VAMP2: variants seen among roughly 807,000 people sequenced by gnomAD.
The protein encoded by VAMP2 is vesicle-associated membrane protein 2.
For synonymous variants in VAMP2, 67 were observed against 57.3 expected, an observed-to-expected ratio of 1.17 and a Z score of -0.76; for missense variants, 95 against 151.3, an observed-to-expected ratio of 0.63 and a Z score of 1.95.
In VAMP2 at chr17:8,160,825, T is replaced by C. The variant is rs781173301; in HGVS notation, c.*30A>G. On this transcript the variant is annotated 3_prime_UTR_variant, in exon 5 of 5. Coordinates refer to ENST00000316509, the MANE Select transcript of VAMP2 (RefSeq NM_014232.3). The stretch of plus-strand genomic sequence containing the variant: ...CGGCTGAGGGTTGGGGGAGAGGCCC[T>C]TCTCTAGGCAGGGCAGACTCCTCGG... 8.7e-6 allele frequency: 14 copies of C among 1,604,344 alleles called. No homozygotes were observed. The highest frequency in any genetic ancestry group is 1.2e-5 in the Non-Finnish European group (14 of 1,174,298).
rs1228262207 is a variant in VAMP2 at position 8,159,232 on chromosome 17, G to C, written c.*1623C>G. The C allele has an allele frequency of 6.6e-6, 1 of 151,362 alleles. No individual in the cohort carries two copies. Among genetic ancestry groups the C allele is most frequent in the Non-Finnish European group, 1.5e-5 (1 of 67,862 alleles). The allele number at this position is 151,362 out of a possible 1,614,324, so 9.4% of individuals were successfully genotyped here. ...GGGGCATGGGGTGGGGGAAGAGGGG[G>C]GCAGGGGACACTGGGATAATATGGG... On this transcript the variant is annotated 3_prime_UTR_variant, in exon 5 of 5. Coordinates refer to ENST00000316509, the MANE Select transcript of VAMP2 (RefSeq NM_014232.3).
At chr17:8,161,280 A>G in intron 4 of VAMP2, 193 bp downstream of exon 4, 1 of 788,084 alleles carries the variant, frequency 1.3e-6, no homozygotes, top group Non-Finnish European at 2.0e-6. Context: ...TGTTAACAAG[A>G]CTGCCAAGAA....
At chr17:8,162,827 G>A (rs1983359884) in intron 1 of VAMP2, 51 bp downstream of exon 1, 2 of 1,214,416 alleles carry the variant, frequency 1.6e-6, no homozygotes, top group African/African-American at 3.1e-5. Context: ...GTTGCCAAGG[G>A]CGGCGGCCGG....
chr17:8,160,911 GGAGAGAAAGA>G (rs757233717), intron 4 of VAMP2, 40 bp from the exon 5 acceptor site: 1 of 1,543,332 alleles, frequency 6.5e-7, no homozygotes, highest in Non-Finnish European at 8.9e-7. Context: ...GAGGGAGAGG[GGAGAGAAAGA>G]GAGAGAACAA....
chr17:8,161,515 T>C lies in VAMP2; in HGVS notation c.292A>G (p.Ile98Val). ...YWWKNLKMMI[I>V]LGVICAIILI... is the part of the protein sequence containing the mutation. ...ATGATGGCGCAAATCACTCCCAAGATGATCATCATCTGGGGGTGAGAGGCG... is the reference window on the plus strand; with the variant it reads ...ATGATGGCGCAAATCACTCCCAAGACGATCATCATCTGGGGGTGAGAGGCG... The change falls in exon 4 of 5, where the codon ATC becomes GTC. Residue 98 changes from isoleucine (I) to valine (V), a missense_variant. Transcript: ENST00000316509. 1 of 1,614,148 alleles carries C rather than the reference T, an allele frequency of 6.2e-7. No individual in the cohort carries two copies. The highest frequency in any genetic ancestry group is 8.5e-7 in the Non-Finnish European group (1 of 1,179,996).
At chr17:8,162,683 C>T in intron 1 of VAMP2, 195 bp downstream of exon 1, 1 of 1,336,052 alleles carries the variant, frequency 7.5e-7, no homozygotes, top group Non-Finnish European at 9.5e-7. Context: ...GGGTCCGCTC[C>T]TTCCCGCGGC....
At chr17:8,161,874 C>T in intron 2 of VAMP2, 108 bp from the exon 3 acceptor site, 1 of 1,495,330 alleles carries the variant, frequency 6.7e-7, no homozygotes, top group Non-Finnish European at 9.0e-7. Context: ...CACCCTGATA[C>T]TGCCAGGTTA....
chr17:8,161,578 AC>A, intron 3 of VAMP2, 29 bp downstream of exon 3: 1 of 1,613,834 alleles, frequency 6.2e-7, no homozygotes, highest in South Asian at 1.1e-5. Context: ...CCATTCACCC[AC>A]CTGTCCTCCT....
chr17:8,161,531 G>A lies in VAMP2; in HGVS notation c.283-7C>T, dbSNP rs2151865318. 1 of 1,614,172 alleles carries A rather than the reference G, an allele frequency of 6.2e-7. No homozygotes were observed. Reference sequence around the variant, plus strand: ...CTCCCAAGATGATCATCATCTGGGGGTGAGAGGCGAGGATCAGTAAGACAA... The same window carrying A: ...CTCCCAAGATGATCATCATCTGGGGATGAGAGGCGAGGATCAGTAAGACAA... On this transcript the variant is annotated splice_region_variant and splice_polypyrimidine_tract_variant and intron_variant, in intron 3 of 4. Transcript: ENST00000316509.
Position 8,161,460 on chromosome 17 carries a change from T to A in VAMP2, c.334+13A>T. 1 of 1,614,036 alleles carries A rather than the reference T, an allele frequency of 6.2e-7. No homozygotes were observed. The highest frequency in any genetic ancestry group is 8.5e-7 in the Non-Finnish European group (1 of 1,179,956). ...TCCAGGGAAAGGGCCCCGGCCATTCTCACCCTACTCACCTATGATGATGAT... is the reference window on the plus strand; with the variant it reads ...TCCAGGGAAAGGGCCCCGGCCATTCACACCCTACTCACCTATGATGATGAT... On this transcript the variant is annotated intron_variant, in intron 4 of 4. Coordinates refer to ENST00000316509, the MANE Select transcript of VAMP2 (RefSeq NM_014232.3).
intron 2 of VAMP2, 29 bp downstream of exon 2, chr17:8,162,220 C>T: frequency 6.6e-7 from 1 of 1,511,540 alleles, no homozygotes; most frequent in Non-Finnish European, 8.8e-7. Flanking sequence ...AGGGTCCCTC[C>T]TACTGCTTTT....
intron 4 of VAMP2, 120 bp from the exon 5 acceptor site, chr17:8,160,991 A>C: frequency 1.2e-6 from 1 of 855,356 alleles, no homozygotes; most frequent in Non-Finnish European, 1.9e-6. Flanking sequence ...GCTGGCTGAC[A>C]CCCTCTCTTG....
At chr17:8,161,440 G>T in intron 4 of VAMP2, 33 bp downstream of exon 4, 1 of 1,613,144 alleles carries the variant, frequency 6.2e-7, no homozygotes, top group Non-Finnish European at 8.5e-7. Flanking sequence ...ACCTCTCCAG[G>T]GAAAGGGCCC....
At chr17:8,161,426 G>C in intron 4 of VAMP2, 47 bp downstream of exon 4, 1 of 1,610,324 alleles carries the variant, frequency 6.2e-7, no homozygotes, top group East Asian at 2.2e-5. Context: ...AATCCACTGG[G>C]GAAACCTCTC....
At chr17:8,161,869 T>C in intron 2 of VAMP2, 103 bp from the exon 3 acceptor site, 2 of 1,505,630 alleles carry the variant, frequency 1.3e-6, no homozygotes, top group Non-Finnish European at 1.8e-6. Flanking sequence ...ACATGCACCC[T>C]GATACTGCCA....
chr17:8,161,322 G>A (rs928282228), intron 4 of VAMP2, 151 bp downstream of exon 4: 1 of 1,163,814 alleles, frequency 8.6e-7, no homozygotes, highest in African/African-American at 1.6e-5. Flanking sequence ...TAACATCAAA[G>A]TTTTTGGCTC....
Position 8,160,876 on chromosome 17 carries a change from G to A in VAMP2, c.335-5C>T, listed in dbSNP as rs1983290410. ...GGATTTAAGTGCTGAAGTAAACTGT[G>A]GAGAGAGGGGAAGAAGATGAGGAAG... is the stretch of plus-strand genomic sequence containing the variant. On this transcript the variant is annotated splice_polypyrimidine_tract_variant and splice_region_variant and intron_variant, in intron 4 of 4. Transcript: ENST00000316509. 1 of 1,609,368 alleles carries A rather than the reference G, an allele frequency of 6.2e-7. No individual in the cohort carries two copies.
Position 8,160,764 on chromosome 17 carries a change from G to GGC in VAMP2, c.*90_*91insGC. 5.0e-6 allele frequency: 7 copies of GGC among 1,393,140 alleles called. No homozygotes were observed. The highest frequency in any genetic ancestry group is 6.9e-6 in the Non-Finnish European group (7 of 1,021,418). The allele number at this position is 1,393,140 out of a possible 1,614,324, so 86.3% of individuals were successfully genotyped here. A position where few individuals can be genotyped will look rare whatever the true frequency, so the allele number is the denominator to read the frequency against. The stretch of plus-strand genomic sequence containing the variant: ...CACACACACACACGGATCCAGGGGA[G>GGC]TGGGGGCTGAAAGATATGGCTGAGA... On this transcript the variant is annotated 3_prime_UTR_variant, in exon 5 of 5. Transcript: ENST00000316509.
In VAMP2 at chr17:8,161,773, G is replaced by T; in HGVS notation, c.124-7C>A. The T allele has an allele frequency of 6.2e-7, 1 of 1,611,602 alleles. No individual in the cohort carries two copies. Among genetic ancestry groups the T allele is most frequent in the Non-Finnish European group, 8.5e-7 (1 of 1,177,978 alleles). On this transcript the variant is annotated splice_region_variant and splice_polypyrimidine_tract_variant and intron_variant, in intron 2 of 4. Transcript: ENST00000316509. ...CCCTCATGATGTCCACCACCTGGGA[G>T]AAGGGCCCACGAGGCAGGGGGGTGT...
Sources: allele counts gnomAD v4.1 joint callset, GRCh38; gene constraint gnomAD v4.1.1; transcripts MANE v1.5; gene names NCBI Gene and HGNC (gene_info 2026-07-23, HGNC 2026-07-21).